Variants in KCNMB2 observed in about 807,000 individuals in gnomAD.
KCNMB2 encodes calcium-activated potassium channel subunit beta-2.
In KCNMB2, 9 loss-of-function variants were observed where a neutral mutation model predicts 24.5. The ratio of observed to expected loss-of-function variants is 0.37; its 90% confidence interval spans 0.22 to 0.64. The LOEUF (loss-of-function observed/expected upper bound fraction) is 0.64. KCNMB2 is among the 30% of genes least tolerant of loss of function. The pLI is 0.63. For synonymous variants in KCNMB2, 109 were observed against 104.4 expected (o/e 1.04, Z -0.27); for missense variants, 226 against 284.3 (o/e 0.79, Z 1.47).
intron 1 of KCNMB2, among the ~76,000 whole-genome samples, chr3:178,646,616 T>A (rs1267245827): frequency 6.6e-6 from 1 of 152,178 alleles, no homozygotes; most frequent in Admixed American, 6.5e-5. Flanking sequence ...GCTGAAACAA[T>A]CCTTTCCGAC....
At chr3:178,554,969 G>A (rs550476016) in intron 1 of KCNMB2, among the ~76,000 whole-genome samples, 5 of 152,206 alleles carry the variant, frequency 3.3e-5, no homozygotes, top group Admixed American at 6.5e-5. Flanking sequence ...GCAGGTAGCT[G>A]ATAAGAACAT....
At chr3:178,785,655 CT>C (rs1299374561) in intron 1 of KCNMB2, among the ~76,000 whole-genome samples, 1 of 152,016 alleles carries the variant, frequency 6.6e-6, no homozygotes, top group Non-Finnish European at 1.5e-5. Context: ...TGCTACAATT[CT>C]GTTTCTTGAC....
intron 1 of KCNMB2, among the ~76,000 whole-genome samples, chr3:178,648,020 C>T (rs150049169): frequency 6.6e-6 from 1 of 152,112 alleles, no homozygotes; most frequent in East Asian, 1.9e-4. Flanking sequence ...ACTTCAAGTG[C>T]ACAACACTGA....
At chr3:178,813,967 G>GTTGT (rs1714299506) in intron 2 of KCNMB2, among the ~76,000 whole-genome samples, 1 of 145,816 alleles carries the variant, frequency 6.9e-6, no homozygotes, top group Non-Finnish European at 1.5e-5. Flanking sequence ...TGTTGTTGTT[G>GTTGT]TTGTTGTTGT....
intron 2 of KCNMB2, among the ~76,000 whole-genome samples, chr3:178,812,500 A>AAT (rs537559261): frequency 6.8e-6 from 1 of 147,600 alleles, no homozygotes; most frequent in South Asian, 2.1e-4. Flanking sequence ...TGGTAATTTT[A>AAT]ATATATTCTA....
intron 1 of KCNMB2, among the ~76,000 whole-genome samples, chr3:178,555,136 C>A (rs12495413): frequency 0.24 from 35,946 of 152,160 alleles, 4,989 homozygotes; most frequent in East Asian, 0.43. Context: ...CCCCATGCTA[C>A]CTGCTGCTCA....
chr3:178,635,567 G>T (rs189259251), intron 1 of KCNMB2, among the ~76,000 whole-genome samples: 4 of 152,272 alleles, frequency 2.6e-5, no homozygotes, highest in Admixed American at 2.6e-4. Flanking sequence ...TGAATGAATA[G>T]AAGTGTCATT....
intron 1 of KCNMB2, among the ~76,000 whole-genome samples, chr3:178,759,651 A>ATCTC (rs1475903985): frequency 0.081 from 8,318 of 102,640 alleles, 1,235 homozygotes; most frequent in Non-Finnish European, 0.11. Context: ...ATATATATAT[A>ATCTC]TCTCCAAGAG....
intron 1 of KCNMB2, among the ~76,000 whole-genome samples, chr3:178,578,821 T>G (rs1443613893): frequency 6.6e-6 from 1 of 152,194 alleles, no homozygotes; most frequent in Non-Finnish European, 1.5e-5. Context: ...TGAGAAGAGC[T>G]AACTATCCTA....
intron 1 of KCNMB2, among the ~76,000 whole-genome samples, chr3:178,652,446 C>T (rs944115627): frequency 2.0e-5 from 3 of 149,968 alleles, no homozygotes; most frequent in African/African-American, 7.3e-5. Flanking sequence ...TGCACATGTA[C>T]CCCAGAACTT....
chr3:178,665,433 A>T (rs1403427055), intron 1 of KCNMB2, among the ~76,000 whole-genome samples: 2 of 152,138 alleles, frequency 1.3e-5, no homozygotes, highest in Non-Finnish European at 2.9e-5. Flanking sequence ...TGTTTTTTTT[A>T]AAGGTTTTTA....
chr3:178,633,625 A>AT (rs1435362397), intron 1 of KCNMB2, among the ~76,000 whole-genome samples: 2 of 151,894 alleles, frequency 1.3e-5, no homozygotes, highest in African/African-American at 4.8e-5. Flanking sequence ...CCAGGAAACC[A>AT]TTTTTCCCTC....
intron 1 of KCNMB2, among the ~76,000 whole-genome samples, chr3:178,736,185 A>G (rs1248042020): frequency 2.0e-5 from 3 of 152,178 alleles, no homozygotes; most frequent in Non-Finnish European, 4.4e-5. Context: ...TGAAACTAGT[A>G]TTTCAAATAT....
chr3:178,724,280 T>A (rs1054785827), intron 1 of KCNMB2, among the ~76,000 whole-genome samples: 1 of 151,820 alleles, frequency 6.6e-6, no homozygotes, highest in African/African-American at 2.4e-5. Context: ...TTTTTTCACA[T>A]GTTTGTCGGC....
chr3:178,644,316 G>A (rs1719834465), intron 1 of KCNMB2, among the ~76,000 whole-genome samples: 1 of 152,192 alleles, frequency 6.6e-6, no homozygotes, highest in Non-Finnish European at 1.5e-5. Context: ...AAGAGAGGTG[G>A]GTCATTATTG....
At chr3:178,809,055 A>C (rs1339247268) in intron 2 of KCNMB2, among the ~76,000 whole-genome samples, 2 of 152,184 alleles carry the variant, frequency 1.3e-5, no homozygotes, top group African/African-American at 4.8e-5. Flanking sequence ...GGCTTAATCA[A>C]ATTATTTTTC....
chr3:178,653,224 T>A lies in KCNMB2; in HGVS notation c.-68+116513T>A, dbSNP rs114799771. Among the ~76,000 whole-genome samples, 1,177 of 152,276 alleles carry A rather than the reference T, an allele frequency of 7.7e-3. 5 individuals are homozygous for A. Among genetic ancestry groups the A allele is most frequent in the Middle Eastern group, 0.017 (5 of 294 alleles). On this transcript the variant is annotated intron_variant, in intron 1 of 4. Coordinates refer to ENST00000452583, the MANE Select transcript of KCNMB2 (RefSeq NM_181361.3). Reference sequence around the variant, plus strand: ...TAATTTCTATGTAGATAGTTTATATTCATAGCCTTTGGATAATATCATATT... The same window carrying A: ...TAATTTCTATGTAGATAGTTTATATACATAGCCTTTGGATAATATCATATT...
At chr3:178,539,827 T>C (rs1377390953) in intron 1 of KCNMB2, among the ~76,000 whole-genome samples, 1 of 152,092 alleles carries the variant, frequency 6.6e-6, no homozygotes, top group Non-Finnish European at 1.5e-5. Context: ...CTCCTGCTGG[T>C]TCCTTATTAT....
intron 1 of KCNMB2, among the ~76,000 whole-genome samples, chr3:178,712,043 T>C (rs949468766): frequency 2.0e-5 from 3 of 152,206 alleles, no homozygotes; most frequent in Admixed American, 6.5e-5. Flanking sequence ...GTAGGGAGTA[T>C]CCAATTCTGT....
Sources: gnomAD v4.1 joint callset for allele counts (sites outside exome capture counted in the v4.1 genomes callset) on GRCh38, gnomAD v4.1.1 for gene constraint, MANE v1.5 for transcripts, NCBI Gene and HGNC (gene_info 2026-07-23, HGNC 2026-07-21) for gene names.